GPC6: variants seen among roughly 807,000 people sequenced by gnomAD.
GPC6 encodes glypican 6.
In GPC6, 14 loss-of-function variants were observed where a neutral mutation model predicts 55.2. The observed-to-expected ratio is 0.25, with a 90% CI of 0.17 to 0.40. The LOEUF is 0.40. Ranked by LOEUF, GPC6 falls within the 10% of genes least tolerant of loss-of-function variation. The pLI is 1.00. For synonymous variants in GPC6, 278 were observed against 259.6 expected, an observed-to-expected ratio of 1.07 and a Z score of -0.68; for missense variants, 641 against 708.5, an observed-to-expected ratio of 0.90 and a Z score of 1.08.
intron 8 of GPC6, among the ~76,000 whole-genome samples, chr13:94,399,900 C>T (rs183707589): frequency 9.5e-4 from 145 of 152,334 alleles, no homozygotes; most frequent in African/African-American, 3.3e-3. Context: ...TAGCCTCACA[C>T]CTCTCATTTT....
intron 1 of GPC6, among the ~76,000 whole-genome samples, chr13:93,454,106 T>A (rs1391163548): frequency 6.6e-6 from 1 of 151,744 alleles, no homozygotes; most frequent in East Asian, 1.9e-4. Context: ...CCCACCAGAG[T>A]AGCTAGATAC....
chr13:94,318,234 G>A (rs1876638324), intron 6 of GPC6, among the ~76,000 whole-genome samples: 1 of 152,134 alleles, frequency 6.6e-6, no homozygotes, highest in South Asian at 2.1e-4. Context: ...CTGAAAGAGA[G>A]ATTTTCACTA....
chr13:94,142,909 AC>A (rs1206159214), intron 4 of GPC6, among the ~76,000 whole-genome samples: 3 of 151,696 alleles, frequency 2.0e-5, no homozygotes, highest in African/African-American at 4.8e-5. Context: ...GCTTACAGCA[AC>A]CTCTGCCTCC....
chr13:93,412,795 C>T (rs1480719965), intron 1 of GPC6, among the ~76,000 whole-genome samples: 1 of 152,164 alleles, frequency 6.6e-6, no homozygotes, highest in East Asian at 1.9e-4. Context: ...CATGACCCTG[C>T]AGGAAGGTCT....
intron 1 of GPC6, among the ~76,000 whole-genome samples, chr13:93,280,268 C>T (rs1877904575): frequency 6.6e-6 from 1 of 152,112 alleles, no homozygotes; most frequent in African/African-American, 2.4e-5. Flanking sequence ...TACATTAATT[C>T]CCCAAATAAA....
intron 1 of GPC6, among the ~76,000 whole-genome samples, chr13:93,524,589 C>A (rs1594236115): frequency 1.3e-5 from 2 of 152,142 alleles, no homozygotes; most frequent in Admixed American, 1.3e-4. Context: ...TGTACACACC[C>A]TTTATTCAAG....
At chr13:93,965,821 A>T (rs78356529) in intron 3 of GPC6, among the ~76,000 whole-genome samples, 2,102 of 152,262 alleles carry the variant, frequency 0.014, 59 homozygotes, top group African/African-American at 0.049. Context: ...CCCAGCCAAA[A>T]TCACCAACTC....
At chr13:93,913,150 A>G (rs1337421016) in intron 3 of GPC6, among the ~76,000 whole-genome samples, 2 of 152,190 alleles carry the variant, frequency 1.3e-5, no homozygotes, top group Non-Finnish European at 2.9e-5. Context: ...TTTGGGGGAC[A>G]CTATTCAACC....
At chr13:94,145,619 A>G (rs1381475392) in intron 4 of GPC6, among the ~76,000 whole-genome samples, 1 of 152,214 alleles carries the variant, frequency 6.6e-6, no homozygotes, top group Non-Finnish European at 1.5e-5. Flanking sequence ...TTATGTCCAG[A>G]TGATTCTACA....
intron 4 of GPC6, among the ~76,000 whole-genome samples, chr13:94,050,367 T>C (rs1883898674): frequency 6.6e-6 from 1 of 152,180 alleles, no homozygotes; most frequent in Non-Finnish European, 1.5e-5. Flanking sequence ...CCAATGAAAT[T>C]GTGAGAGCGT....
intron 4 of GPC6, among the ~76,000 whole-genome samples, chr13:94,285,288 A>T (rs1892496942): frequency 1.3e-5 from 2 of 152,160 alleles, no homozygotes; most frequent in South Asian, 4.1e-4. Flanking sequence ...CAAGGCCAAG[A>T]AGGCACCTGC....
chr13:94,344,815 C>G (rs1878208105), intron 6 of GPC6, among the ~76,000 whole-genome samples: 1 of 152,244 alleles, frequency 6.6e-6, no homozygotes, highest in South Asian at 2.1e-4. Flanking sequence ...AAAAATTACA[C>G]TTGAAAAGAT....
At chr13:93,387,976 T>A (rs1875470120) in intron 1 of GPC6, among the ~76,000 whole-genome samples, 1 of 152,178 alleles carries the variant, frequency 6.6e-6, no homozygotes, top group Admixed American at 6.5e-5. Flanking sequence ...CATGTGACTA[T>A]CTGAACGATC....
chr13:93,601,583 A>G (rs1878017899), intron 2 of GPC6, among the ~76,000 whole-genome samples: 1 of 152,090 alleles, frequency 6.6e-6, no homozygotes, highest in South Asian at 2.1e-4. Flanking sequence ...CTGACATAAA[A>G]CCATCTCATG....
rs201744926 is a variant in GPC6, at chr13:93,750,517, A to G, written c.320-79637A>G. ...TACTTTATAGTGGTTGCTACTTCCT[A>G]TTTCAATCAGATCTGTGGTAAAATA... is the stretch of plus-strand genomic sequence containing the variant. On this transcript the variant is annotated intron_variant, in intron 2 of 8. Coordinates refer to ENST00000377047, the MANE Select transcript of GPC6 (RefSeq NM_005708.5). 2.6e-5 allele frequency among the ~76,000 whole-genome samples: 4 copies of G among 152,330 alleles called. No individual in the cohort carries two copies. The East Asian group carries it at 7.7e-4, about 29-fold the overall frequency.
At chr13:93,231,422 T>TATATATATAC (rs1271799609) in intron 1 of GPC6, among the ~76,000 whole-genome samples, 1 of 50,004 alleles carries the variant, frequency 2.0e-5, no homozygotes, top group African/African-American at 8.9e-5. Context: ...TATATATATA[T>TATATATATAC]ACGTATATAT....
chr13:93,739,521 C>G (rs1038631186), intron 2 of GPC6, among the ~76,000 whole-genome samples: 2 of 151,702 alleles, frequency 1.3e-5, no homozygotes, highest in Admixed American at 6.6e-5. Flanking sequence ...GCTCTGCCTC[C>G]CGGGTTCGCG....
chr13:93,368,219 T>G (rs1418504273), intron 1 of GPC6, among the ~76,000 whole-genome samples: 1 of 151,936 alleles, frequency 6.6e-6, no homozygotes, highest in Non-Finnish European at 1.5e-5. Flanking sequence ...GTCTATTCTA[T>G]CTAATATTAA....
rs117974518 is a variant in GPC6 at position 93,881,630 on chromosome 13, G to A, written c.711+51085G>A. The stretch of plus-strand genomic sequence containing the variant: ...TAGGCCCTCTCAGTGGACAGAGCTA[G>A]GAAATGTATGAGTGTTTAGTCACCC... On this transcript the variant is annotated intron_variant, in intron 3 of 8. Transcript: ENST00000377047. Among the ~76,000 whole-genome samples, 110 of 152,124 alleles carry A rather than the reference G, an allele frequency of 7.2e-4. No individual in the cohort carries two copies. In the East Asian group the frequency reaches 0.015, roughly 20 times the overall value.
Sources: allele counts gnomAD v4.1 joint callset (sites outside exome capture counted in the v4.1 genomes callset), GRCh38; gene constraint gnomAD v4.1.1; transcripts MANE v1.5; gene names NCBI Gene and HGNC (gene_info 2026-07-23, HGNC 2026-07-21).